The following LYPLAL1 variants were observed in gnomAD, a reference collection of about 807,000 sequenced individuals.
LYPLAL1 encodes lysophospholipase-like protein 1.
LYPLAL1 carries 23 observed loss-of-function variants against 19.7 expected under a neutral mutation model. That is an observed-to-expected ratio of 1.17 (90% CI 0.84 to 1.65). The LOEUF (loss-of-function observed/expected upper bound fraction) is 1.65, where lower values mean the gene tolerates loss of function less well. LYPLAL1 is among the 40% of genes most tolerant of loss of function. The pLI, the probability that LYPLAL1 is intolerant of heterozygous loss-of-function variation, is 0.00. For synonymous variants in LYPLAL1, 119 were observed against 96.3 expected (o/e 1.24, Z -1.38); for missense variants, 355 against 279.4 (o/e 1.27, Z -1.93).
At chr1:219,405,002 T>C in the LYPLAL1 span, among the ~76,000 whole-genome samples, 2 of 152,222 alleles carry the variant, frequency 1.3e-5, no homozygotes, top group Non-Finnish European at 1.5e-5. Flanking sequence ...AATGCATAGA[T>C]AGTAACTTTC....
chr1:219,325,670 T>C, the LYPLAL1 span, among the ~76,000 whole-genome samples: 1 of 152,304 alleles, frequency 6.6e-6, no homozygotes, highest in South Asian at 2.1e-4. Flanking sequence ...ACTTCACTTC[T>C]CACCTCACCT....
the LYPLAL1 span, among the ~76,000 whole-genome samples, chr1:219,418,001 T>A: frequency 3.4e-3 from 512 of 152,356 alleles, 1 homozygote; most frequent in African/African-American, 0.012. Context: ...CCCAGGATAC[T>A]TAATAGGTTT....
chr1:219,208,757 C>T (rs987269888), intron 3 of LYPLAL1, among the ~76,000 whole-genome samples: 36 of 152,114 alleles, frequency 2.4e-4, no homozygotes, highest in Admixed American at 3.9e-4. Flanking sequence ...AAAATGTCTT[C>T]GCTTTACAAC....
rs531376399 is a variant in LYPLAL1 at position 219,211,845 on chromosome 1, T to G, written c.*117T>G. On this transcript the variant is annotated 3_prime_UTR_variant, in exon 5 of 5. Transcript: ENST00000366928. ...AAATAACACTTTCCTGACTTTTTTA[T>G]TATTAAAATGCTTATCACTGTAGAC... 1.5e-6 allele frequency: 1 copy of G among 656,218 alleles called. No homozygotes were observed. Among genetic ancestry groups the G allele is most frequent in the East Asian group, 2.8e-5 (1 of 35,472 alleles). 40.6% of individuals were successfully genotyped at this position (656,218 alleles called of 1,614,324 possible). A position where few individuals can be genotyped will look rare whatever the true frequency, so the allele number is the denominator to read the frequency against.
At chr1:219,375,490 T>TA in the LYPLAL1 span, among the ~76,000 whole-genome samples, 5,087 of 37,420 alleles carry the variant, frequency 0.14, 520 homozygotes, top group East Asian at 0.2. Context: ...AAACTCCTTC[T>TA]AAAAAAAAAA....
chr1:219,392,857 A>G, the LYPLAL1 span, among the ~76,000 whole-genome samples: 1 of 152,228 alleles, frequency 6.6e-6, no homozygotes, highest in Non-Finnish European at 1.5e-5. Flanking sequence ...TAAAATATCT[A>G]TATAAATAAA....
the LYPLAL1 span, among the ~76,000 whole-genome samples, chr1:219,432,820 G>T: frequency 2.4e-4 from 37 of 152,288 alleles, no homozygotes; most frequent in East Asian, 5.6e-3. Context: ...GTGAGAAGCA[G>T]GCTCACTATG....
chr1:219,384,010 C>A, the LYPLAL1 span, among the ~76,000 whole-genome samples: 6 of 152,180 alleles, frequency 3.9e-5, no homozygotes, highest in South Asian at 1.0e-3. Flanking sequence ...TCCCAGCCAA[C>A]CTTCCCCTCT....
chr1:219,191,257 T>C (rs1376151939), intron 2 of LYPLAL1, among the ~76,000 whole-genome samples: 1 of 151,550 alleles, frequency 6.6e-6, no homozygotes, highest in Non-Finnish European at 1.5e-5. Context: ...TCTTGACTCT[T>C]TTCCATAGGA....
chr1:219,191,830 A>G (rs988354146), intron 2 of LYPLAL1, among the ~76,000 whole-genome samples: 2 of 151,694 alleles, frequency 1.3e-5, no homozygotes, highest in Non-Finnish European at 3.0e-5. Context: ...GGTATTCATC[A>G]TATCCATTTA....
intron 2 of LYPLAL1, among the ~76,000 whole-genome samples, chr1:219,180,185 A>T (rs1185696373): frequency 6.6e-6 from 1 of 152,080 alleles, no homozygotes; most frequent in Non-Finnish European, 1.5e-5. Flanking sequence ...AGGTTTTGCC[A>T]TGTTGGCTAG....
At chr1:219,283,756 G>T in the LYPLAL1 span, among the ~76,000 whole-genome samples, 2 of 152,170 alleles carry the variant, frequency 1.3e-5, no homozygotes, top group African/African-American at 2.4e-5. Context: ...TAACTAAAAA[G>T]ATTGTATTGC....
downstream of LYPLAL1, among the ~76,000 whole-genome samples, chr1:219,216,680 C>T (rs1024354732): frequency 1.3e-5 from 2 of 152,016 alleles, no homozygotes; most frequent in African/African-American, 2.4e-5. Flanking sequence ...TGAAGAATTG[C>T]GGGGGCACCT....
the LYPLAL1 span, among the ~76,000 whole-genome samples, chr1:219,315,487 G>T: frequency 6.6e-6 from 1 of 152,264 alleles, no homozygotes; most frequent in South Asian, 2.1e-4. Flanking sequence ...AACAAATTTT[G>T]ATGAGGTAAG....
At chr1:219,238,546 C>T in the LYPLAL1 span, among the ~76,000 whole-genome samples, 1 of 151,938 alleles carries the variant, frequency 6.6e-6, no homozygotes, top group Non-Finnish European at 1.5e-5. Context: ...GAACTTCATA[C>T]ACCATGTTGA....
At chr1:219,184,332 A>G (rs1421807826) in intron 2 of LYPLAL1, among the ~76,000 whole-genome samples, 1 of 151,962 alleles carries the variant, frequency 6.6e-6, no homozygotes, top group Non-Finnish European at 1.5e-5. Flanking sequence ...AATTGTTGCT[A>G]GTACAGAGAA....
the LYPLAL1 span, among the ~76,000 whole-genome samples, chr1:219,328,491 C>A: frequency 6.6e-6 from 1 of 152,238 alleles, no homozygotes; most frequent in East Asian, 1.9e-4. Context: ...TTGTCAATTT[C>A]TTTTCATTAA....
the LYPLAL1 span, among the ~76,000 whole-genome samples, chr1:219,381,883 G>T: frequency 6.6e-6 from 1 of 152,162 alleles, no homozygotes; most frequent in Admixed American, 6.5e-5. Context: ...AGTACAATAC[G>T]AGCTATGGTA....
At chr1:219,382,761 A>C in the LYPLAL1 span, among the ~76,000 whole-genome samples, 3 of 152,244 alleles carry the variant, frequency 2.0e-5, no homozygotes, top group African/African-American at 7.2e-5. Flanking sequence ...AAAACCACAT[A>C]AAAATTAAAT....
Sources: gnomAD v4.1 joint callset for allele counts (sites outside exome capture counted in the v4.1 genomes callset) on GRCh38, gnomAD v4.1.1 for gene constraint, MANE v1.5 for transcripts, NCBI Gene and HGNC (gene_info 2026-07-23, HGNC 2026-07-21) for gene names.